Variants in RARB observed in about 807,000 individuals in gnomAD.
The protein encoded by RARB is HBV-activated protein.
In RARB, 17 loss-of-function variants were observed where a neutral mutation model predicts 51.9. That is an observed-to-expected ratio of 0.33 (90% CI 0.22 to 0.49). RARB has a LOEUF of 0.49. RARB is among the 20% of genes least tolerant of loss of function. The pLI is 0.99. For missense variants in RARB, 369 were observed against 550.8 expected (o/e 0.67, Z 3.30); for synonymous variants, 215 against 195.4 (o/e 1.10, Z -0.84).
chr3:25,383,353 C>T (rs1311815740), intron 5 of RARB, among the ~76,000 whole-genome samples: 2 of 152,176 alleles, frequency 1.3e-5, no homozygotes, highest in Admixed American at 6.5e-5. Flanking sequence ...GAGCATGGCT[C>T]CTCAGCAGGG....
At chr3:25,157,472 C>G (rs1700397830) in intron 4 of RARB, among the ~76,000 whole-genome samples, 2 of 151,804 alleles carry the variant, frequency 1.3e-5, no homozygotes, top group South Asian at 4.2e-4. Context: ...AGTGCAATCT[C>G]AGCTCACTGC....
rs755836591 is a variant in RARB at position 25,154,510 on chromosome 3, C to T, written c.-279-19609C>T. Among the ~76,000 whole-genome samples the T allele has an allele frequency of 8.5e-5, 13 of 152,332 alleles. No individual in the cohort carries two copies. In the Middle Eastern group the frequency reaches 0.014, roughly 159 times the overall value. On this transcript the variant is annotated intron_variant, in intron 4 of 11. Coordinates refer to the RARB transcript ENST00000383772. ...TTGCAATAGTCTCCTGGCTGGTTGT[C>T]CAGCCTCAAAGCTTTGCTACCAATC...
chr3:25,006,291 C>T (rs1479683558), intron 2 of RARB, among the ~76,000 whole-genome samples: 2 of 152,126 alleles, frequency 1.3e-5, no homozygotes, highest in African/African-American at 4.8e-5. Context: ...TTTGTTCATA[C>T]TCTCTCAATA....
At chr3:24,862,233 T>G (rs1386619359) in intron 2 of RARB, among the ~76,000 whole-genome samples, 3 of 152,188 alleles carry the variant, frequency 2.0e-5, no homozygotes, top group Non-Finnish European at 2.9e-5. Context: ...AGATTCATAC[T>G]CAAAGAATTA....
At chr3:25,575,767 A>T (rs2125297281) in intron 4 of RARB, among the ~76,000 whole-genome samples, 1 of 152,292 alleles carries the variant, frequency 6.6e-6, no homozygotes, top group South Asian at 2.1e-4. Context: ...CTATAAAGAC[A>T]CTATTTTCAA....
intron 2 of RARB, among the ~76,000 whole-genome samples, chr3:24,877,346 C>CTTTTTTTTTGTTTTTTT (rs1703066221): frequency 1.2e-5 from 1 of 81,892 alleles, no homozygotes; most frequent in Non-Finnish European, 2.2e-5. Flanking sequence ...AGCAATCTTA[C>CTTTTTTTTTGTTTTTTT]TTTTTTTTTT....
intron 5 of RARB, among the ~76,000 whole-genome samples, chr3:25,184,719 T>C (rs1302387791): frequency 1.3e-5 from 2 of 152,106 alleles, no homozygotes; most frequent in Non-Finnish European, 2.9e-5. Flanking sequence ...AAGCTACTTA[T>C]AACAGTGTTA....
chr3:25,348,472 G>A (rs139401809), intron 5 of RARB, among the ~76,000 whole-genome samples: 1,641 of 151,890 alleles, frequency 0.011, 13 homozygotes, highest in Middle Eastern at 0.031. Flanking sequence ...GAATCAAGCC[G>A]CTTGGCCATT....
rs767416364 is a variant in RARB at position 25,580,531 on chromosome 3, TTC to T, written c.610-6_610-5del. 1.1e-5 allele frequency: 17 copies of T among 1,558,048 alleles called. No individual in the cohort carries two copies. Among genetic ancestry groups the T allele is most frequent in the Non-Finnish European group, 1.4e-5 (16 of 1,138,804 alleles). On this transcript the variant is annotated splice_polypyrimidine_tract_variant and intron_variant, in intron 4 of 7. Coordinates refer to ENST00000330688, the MANE Select transcript of RARB (RefSeq NM_000965.5). ...CCCGGAAACTGTATCTGATGACATT[TTC>T]TCTCTCTCCTAGAATTCCAGTGCTG...
At chr3:25,067,700 C>A (rs537236532) in intron 3 of RARB, among the ~76,000 whole-genome samples, 1 of 152,270 alleles carries the variant, frequency 6.6e-6, no homozygotes, top group East Asian at 1.9e-4. Flanking sequence ...CCCTTCTCCT[C>A]CTATGCTTGC....
chr3:25,109,645 G>C (rs1040380262), intron 3 of RARB, among the ~76,000 whole-genome samples: 1 of 152,154 alleles, frequency 6.6e-6, no homozygotes, highest in Non-Finnish European at 1.5e-5. Flanking sequence ...ATCATTTCCA[G>C]CTGGACACCT....
intron 5 of RARB, among the ~76,000 whole-genome samples, chr3:25,264,761 T>C (rs925168892): frequency 6.6e-6 from 1 of 152,268 alleles, no homozygotes; most frequent in Non-Finnish European, 1.5e-5. Flanking sequence ...TCTGCATGGG[T>C]GTATACACAC....
At chr3:25,543,473 AT>A (rs1192627221) in intron 3 of RARB, among the ~76,000 whole-genome samples, 2 of 152,258 alleles carry the variant, frequency 1.3e-5, no homozygotes, top group African/African-American at 4.8e-5. Flanking sequence ...TGGCCCTTCC[AT>A]GAGTGCCTCA....
rs141958505 is a variant in RARB, at chr3:25,385,942, G to C, written c.179-75251G>C. 2.7e-3 allele frequency among the ~76,000 whole-genome samples: 409 copies of C among 152,260 alleles called. 2 individuals are homozygous for C. The highest frequency in any genetic ancestry group is 9.4e-3 in the African/African-American group (390 of 41,560). ...TAATGCAGAATCCAGAGATCTGGGA[G>C]GGGCCCCAGTTTCTGCTTTCCTCAA... is the stretch of plus-strand genomic sequence containing the variant. On this transcript the variant is annotated intron_variant, in intron 5 of 11. Coordinates refer to the RARB transcript ENST00000383772.
At chr3:25,107,407 C>A (rs1403656245) in intron 3 of RARB, among the ~76,000 whole-genome samples, 1 of 152,122 alleles carries the variant, frequency 6.6e-6, no homozygotes, top group Non-Finnish European at 1.5e-5. Flanking sequence ...GTAATATGCT[C>A]AGAACAGTTT....
Position 25,569,762 on chromosome 3 carries a change from C to G in RARB, c.453C>G (p.Val151=). The G allele has an allele frequency of 1.2e-6, 2 of 1,613,344 alleles. No individual in the cohort carries two copies. The highest frequency in any genetic ancestry group is 1.7e-6 in the Non-Finnish European group (2 of 1,179,718). Residue 151 remains valine (V), a synonymous_variant, in exon 4 of 8, where the codon GTC becomes GTG. Coordinates refer to ENST00000330688, the MANE Select transcript of RARB (RefSeq NM_000965.5). Reference sequence around the variant, plus strand: ...TGCCTTCTCTCTCGTTTCCAGCTGTCAGGAATGACAGGAACAAGAAAAAGA... The same window carrying G: ...TGCCTTCTCTCTCGTTTCCAGCTGTGAGGAATGACAGGAACAAGAAAAAGA... ...CFEVGMSKES[V]RNDRNKKKKE...
intron 5 of RARB, among the ~76,000 whole-genome samples, chr3:25,326,857 A>G (rs971264112): frequency 6.6e-6 from 1 of 151,934 alleles, no homozygotes; most frequent in Non-Finnish European, 1.5e-5. Context: ...TTATTATTAT[A>G]CTTTAACTTT....
At chr3:24,907,938 G>A (rs555015106) in intron 2 of RARB, among the ~76,000 whole-genome samples, 2 of 152,174 alleles carry the variant, frequency 1.3e-5, no homozygotes, top group African/African-American at 4.8e-5. Context: ...GGTCCAAGGA[G>A]CATCCTTTGG....
At chr3:25,172,003 A>G (rs1179319283) in intron 4 of RARB, among the ~76,000 whole-genome samples, 1 of 152,192 alleles carries the variant, frequency 6.6e-6, no homozygotes, top group East Asian at 1.9e-4. Flanking sequence ...GTAGTTTGAA[A>G]GTTTGAAAAA....
Sources: gnomAD v4.1 joint callset for allele counts (sites outside exome capture counted in the v4.1 genomes callset) on GRCh38, gnomAD v4.1.1 for gene constraint, MANE v1.5 for transcripts, NCBI Gene and HGNC (gene_info 2026-07-23, HGNC 2026-07-21) for gene names.